LNPEP: variants seen among roughly 807,000 people sequenced by gnomAD.
The protein encoded by LNPEP is leucyl and cystinyl aminopeptidase, also known as leucyl-cystinyl aminopeptidase.
In LNPEP, 64 loss-of-function variants were observed where a neutral mutation model predicts 120.6. The observed-to-expected ratio is 0.53, with a 90% CI of 0.43 to 0.65. The LOEUF is 0.65. Among genes scored for constraint, LNPEP ranks in the 30% least tolerant of loss-of-function variants. The pLI is 0.00. For synonymous variants in LNPEP, 435 were observed against 425.4 expected, an observed-to-expected ratio of 1.02 and a Z score of -0.28; for missense variants, 1,057 against 1,200.0, an observed-to-expected ratio of 0.88 and a Z score of 1.76.
intron 1 of LNPEP, among the ~76,000 whole-genome samples, chr5:96,973,286 C>CT (rs202200508): frequency 8.3e-4 from 126 of 151,802 alleles, no homozygotes; most frequent in African/African-American, 2.8e-3. Flanking sequence ...AAAAAATCAC[C>CT]TTTTTTTTGT....
At chr5:96,975,473 G>T (rs1015038021) in intron 1 of LNPEP, among the ~76,000 whole-genome samples, 3 of 152,054 alleles carry the variant, frequency 2.0e-5, no homozygotes, top group Admixed American at 6.6e-5. Context: ...GACGTGACTT[G>T]TAATCATACC....
intron 1 of LNPEP, among the ~76,000 whole-genome samples, chr5:96,941,260 C>T (rs535038168): frequency 1.3e-5 from 2 of 152,154 alleles, no homozygotes; most frequent in Non-Finnish European, 2.9e-5. Flanking sequence ...GTAATGCTAA[C>T]GATGGGGACT....
chr5:96,979,751 C>T lies in LNPEP; in HGVS notation c.633C>T (p.Ser211=), dbSNP rs139758172. The stretch of plus-strand genomic sequence containing the variant: ...TCACATGGAATATCATTCTTCATAG[C>T]ACAGGTCATAATATTTCAAGAGTGA... ...LQVTWNIILH[S]TGHNISRVTF... The change falls in exon 2 of 18, where the codon AGC becomes AGT. Residue 211 remains serine (S), a synonymous_variant. Transcript: ENST00000231368. The T allele has an allele frequency of 5.0e-6, 8 of 1,614,010 alleles. No individual in the cohort carries two copies. In the East Asian group the frequency reaches 8.9e-5, roughly 18 times the overall value.
chr5:97,002,049 G>A (rs1303274202), intron 8 of LNPEP, among the ~76,000 whole-genome samples: 1 of 152,176 alleles, frequency 6.6e-6, no homozygotes. Context: ...TGAAGCAGGA[G>A]AATCGCTTGA....
intron 1 of LNPEP, among the ~76,000 whole-genome samples, chr5:96,959,824 T>A (rs1175303997): frequency 6.6e-6 from 1 of 152,162 alleles, no homozygotes; most frequent in Non-Finnish European, 1.5e-5. Flanking sequence ...CTTGTGCATT[T>A]CAAATTATAA....
At chr5:97,002,717 AATTGT>A (rs1289738028) in intron 8 of LNPEP, among the ~76,000 whole-genome samples, 6 of 152,308 alleles carry the variant, frequency 3.9e-5, no homozygotes, top group Admixed American at 1.3e-4. Context: ...ATGCCATATA[AATTGT>A]ATTGAAGATG....
chr5:97,022,215 C>A, intron 13 of LNPEP, 85 bp from the exon 14 acceptor site: 1 of 833,246 alleles, frequency 1.2e-6, no homozygotes, highest in Non-Finnish European at 1.9e-6. Flanking sequence ...AGGCACGAGA[C>A]ACTGCACCTG....
intron 8 of LNPEP, among the ~76,000 whole-genome samples, chr5:96,998,755 C>T (rs1790577205): frequency 6.6e-6 from 1 of 152,074 alleles, no homozygotes; most frequent in Admixed American, 6.6e-5. Flanking sequence ...GAGATACAGT[C>T]TATGTCATCA....
In LNPEP at chr5:96,936,176, T is replaced by A; in HGVS notation, c.19+2T>A. ...GGAAAATGGAGCCCTTCACCAATGG[T>A]GAGTGGGCTGCCGAGGCGCCGGGAC... On this transcript the variant is annotated splice_donor_variant, in intron 1 of 17. Coordinates refer to ENST00000231368, the MANE Select transcript of LNPEP (RefSeq NM_005575.3). LOFTEE classifies it high-confidence loss of function. 1 of 1,459,528 alleles carries A rather than the reference T, an allele frequency of 6.9e-7. No homozygotes were observed. The highest frequency in any genetic ancestry group is 9.0e-7 in the Non-Finnish European group (1 of 1,107,446). 90.4% of individuals were successfully genotyped at this position (1,459,528 alleles called of 1,614,324 possible).
intron 1 of LNPEP, among the ~76,000 whole-genome samples, chr5:96,945,557 T>A (rs1450957230): frequency 6.6e-6 from 1 of 152,210 alleles, no homozygotes; most frequent in Non-Finnish European, 1.5e-5. Context: ...CTATCTGTTG[T>A]GTGATGTTAT....
intron 4 of LNPEP, among the ~76,000 whole-genome samples, chr5:96,988,339 C>CTTTTTTTTTTTTTTT (rs201343272): frequency 1.8e-4 from 22 of 125,228 alleles, no homozygotes; most frequent in South Asian, 2.5e-4. Flanking sequence ...TTTTTCTTTT[C>CTTTTTTTTTTTTTTT]TTTTTTTTTT....
intron 4 of LNPEP, 67 bp downstream of exon 4, chr5:96,986,737 C>T (rs1458025579): frequency 6.4e-6 from 9 of 1,408,144 alleles, no homozygotes; most frequent in Admixed American, 3.6e-5. Flanking sequence ...CTTGCTTTAA[C>T]GATTCCTGGT....
chr5:96,999,267 G>T (rs1790589045), intron 8 of LNPEP, among the ~76,000 whole-genome samples: 1 of 152,132 alleles, frequency 6.6e-6, no homozygotes, highest in African/African-American at 2.4e-5. Flanking sequence ...CTAAAGTCCA[G>T]GCATGAAATG....
At chr5:96,994,787 G>A (rs1288301140) in intron 6 of LNPEP, among the ~76,000 whole-genome samples, 1 of 152,124 alleles carries the variant, frequency 6.6e-6, no homozygotes, top group African/African-American at 2.4e-5. Flanking sequence ...TGACAAGCTG[G>A]CATATGAGCA....
In LNPEP at chr5:97,006,099, G is replaced by A. The variant is rs1790775810; in HGVS notation, c.1812G>A (p.Lys604=). 6.5e-7 allele frequency: 1 copy of A among 1,544,274 alleles called. No individual in the cohort carries two copies. Among genetic ancestry groups the A allele is most frequent in the Non-Finnish European group, 8.7e-7 (1 of 1,142,862 alleles). ...TCACAAACCAAACACTAGATGTAAA[G>A]AGAATGATGAAAACCTGGACCCTGC... is the stretch of plus-strand genomic sequence containing the variant. ...NEVTNQTLDV[K]RMMKTWTLQK... The change falls in exon 10 of 18, where the codon AAG becomes AAA. Residue 604 remains lysine (K), a synonymous_variant. Coordinates refer to ENST00000231368, the MANE Select transcript of LNPEP (RefSeq NM_005575.3).
rs759369692 is a variant in LNPEP, at chr5:97,003,541, A to G, written c.1780A>G (p.Asn594Asp). The G allele has an allele frequency of 2.5e-6, 4 of 1,592,770 alleles. No homozygotes were observed. The highest frequency in any genetic ancestry group is 3.4e-6 in the Non-Finnish European group (4 of 1,170,962). The change falls in exon 9 of 18, where the codon AAT (asparagine) becomes GAT (aspartate). Residue 594 changes from asparagine to aspartate, a missense_variant. Coordinates refer to ENST00000231368, the MANE Select transcript of LNPEP (RefSeq NM_005575.3). ...AAGTGATGATCTGTGGGATAGTTTTAATGAGGTAAGTGACCTGGGTAATTT... is the reference window on the plus strand; with the variant it reads ...AAGTGATGATCTGTGGGATAGTTTTGATGAGGTAAGTGACCTGGGTAATTT... ...IQSDDLWDSFNEVTNQTLDVK... is the reference protein window; with the variant it reads ...IQSDDLWDSFDEVTNQTLDVK...
At chr5:97,019,343 G>C (rs756846528) in intron 13 of LNPEP, among the ~76,000 whole-genome samples, 22 of 151,888 alleles carry the variant, frequency 1.4e-4, no homozygotes, top group Admixed American at 9.8e-4. Context: ...ATTTCTAAAA[G>C]GGAAAGGTAA....
At position 96,954,772 on chromosome 5, in the gene LNPEP, A is replaced by AT. The variant is rs1160402498; in HGVS notation, c.19+18626dup. Among the ~76,000 whole-genome samples the AT allele has an allele frequency of 5.5e-4, 15 of 27,108 alleles. 2 individuals carry two copies. Among genetic ancestry groups the AT allele is most frequent in the Admixed American group, 5.1e-4 (1 of 1,962 alleles). 17.8% of individuals were successfully genotyped at this position (27,108 alleles called of 152,430 possible). A position where few individuals can be genotyped will look rare whatever the true frequency, so the allele number is the denominator to read the frequency against. On this transcript the variant is annotated intron_variant, in intron 1 of 17. Transcript: ENST00000231368. ...CACATATATATATATATATATATAT[A>AT]TTTTTTTTTTTTTTTTTTTTTTTTT... is the stretch of plus-strand genomic sequence containing the variant.
At chr5:97,008,855 G>C (rs556505645) in intron 11 of LNPEP, among the ~76,000 whole-genome samples, 2 of 151,454 alleles carry the variant, frequency 1.3e-5, no homozygotes, top group Non-Finnish European at 2.9e-5. Flanking sequence ...TAGTAGAGAC[G>C]GGGTTTCACC....
Sources: gnomAD v4.1 joint callset for allele counts (sites outside exome capture counted in the v4.1 genomes callset) on GRCh38, gnomAD v4.1.1 for gene constraint, MANE v1.5 for transcripts, NCBI Gene and HGNC (gene_info 2026-07-23, HGNC 2026-07-21) for gene names.